The following PDE12 variants were observed in gnomAD, a reference collection of about 807,000 sequenced individuals.
PDE12 encodes the protein 2',5'-phosphodiesterase 12.
PDE12 carries 26 observed loss-of-function variants against 45.4 expected under a neutral mutation model. The ratio of observed to expected loss-of-function variants is 0.57; its 90% CI spans 0.42 to 0.79. PDE12 has a LOEUF of 0.79. Ranked by LOEUF, PDE12 falls within the 30% of genes least tolerant of loss-of-function variation. The pLI, the probability that PDE12 is intolerant of heterozygous loss-of-function variation, is 0.00. For synonymous variants in PDE12, 283 were observed against 323.9 expected, an observed-to-expected ratio of 0.87 and a Z score of 1.36; for missense variants, 668 against 790.0, an observed-to-expected ratio of 0.85 and a Z score of 1.85.
chr3:57,617,754 C>T, the PDE12 span, among the ~76,000 whole-genome samples: 9 of 151,718 alleles, frequency 5.9e-5, no homozygotes, highest in African/African-American at 2.2e-4. Context: ...GTGGTCCCAG[C>T]TACCAGGAAG....
chr3:57,610,261 A>G, the PDE12 span, among the ~76,000 whole-genome samples: 1 of 152,168 alleles, frequency 6.6e-6, no homozygotes, highest in South Asian at 2.1e-4. Context: ...ATTTATGACA[A>G]ACCCACAGCC....
At chr3:57,623,169 G>T in the PDE12 span, among the ~76,000 whole-genome samples, 1 of 152,108 alleles carries the variant, frequency 6.6e-6, no homozygotes, top group Non-Finnish European at 1.5e-5. Flanking sequence ...CAGCACTTTG[G>T]GAGGTGGAGG....
chr3:57,642,597 G>A, the PDE12 span, among the ~76,000 whole-genome samples: 1 of 152,106 alleles, frequency 6.6e-6, no homozygotes, highest in Admixed American at 6.6e-5. Context: ...ATTGTTGCCC[G>A]ATCATTAGAG....
chr3:57,613,072 C>G, the PDE12 span, among the ~76,000 whole-genome samples: 2 of 151,888 alleles, frequency 1.3e-5, no homozygotes, highest in African/African-American at 4.8e-5. Flanking sequence ...CCTCCACCTC[C>G]CGGGTTCAAG....
chr3:57,585,686 A>G, the PDE12 span, among the ~76,000 whole-genome samples: 1 of 145,172 alleles, frequency 6.9e-6, no homozygotes, highest in Non-Finnish European at 1.5e-5. Context: ...TTTTTGAGAC[A>G]GAGTATCACT....
the PDE12 span, among the ~76,000 whole-genome samples, chr3:57,582,063 C>A: frequency 6.6e-6 from 1 of 152,098 alleles, no homozygotes; most frequent in African/African-American, 2.4e-5. Context: ...GGGTACAATG[C>A]AAATATTCCA....
At chr3:57,644,312 A>G in the PDE12 span, among the ~76,000 whole-genome samples, 2 of 151,900 alleles carry the variant, frequency 1.3e-5, no homozygotes, top group South Asian at 4.2e-4. Flanking sequence ...ATTTACAAAA[A>G]AATTTTTTTT....
At chr3:57,581,766 T>A in the PDE12 span, among the ~76,000 whole-genome samples, 2 of 152,168 alleles carry the variant, frequency 1.3e-5, no homozygotes, top group Admixed American at 1.3e-4. Flanking sequence ...CGCCATAGCC[T>A]GGGTGACAGG....
chr3:57,635,770 CT>C, the PDE12 span, among the ~76,000 whole-genome samples: 1 of 152,088 alleles, frequency 6.6e-6, no homozygotes, highest in Non-Finnish European at 1.5e-5. Flanking sequence ...AAACTTTTTA[CT>C]TTGAAGTACA....
chr3:57,591,264 G>T, the PDE12 span, among the ~76,000 whole-genome samples: 7 of 152,038 alleles, frequency 4.6e-5, no homozygotes, highest in East Asian at 1.3e-3. Context: ...GTTCATGAAT[G>T]TTGAAGAGCT....
the PDE12 span, among the ~76,000 whole-genome samples, chr3:57,579,295 A>G: frequency 2.0e-5 from 3 of 147,136 alleles, no homozygotes; most frequent in African/African-American, 7.4e-5. Context: ...ACATCCACTA[A>G]GGGCAAAGGA....
the PDE12 span, among the ~76,000 whole-genome samples, chr3:57,595,950 T>A: frequency 3.3e-5 from 5 of 149,696 alleles, no homozygotes; most frequent in Admixed American, 3.3e-4. Context: ...AAACTCCGTC[T>A]GCAAAAAAAA....
chr3:57,568,293 A>G (rs933344411), downstream of PDE12, among the ~76,000 whole-genome samples: 1 of 151,800 alleles, frequency 6.6e-6, no homozygotes. Context: ...GCGAAACCCC[A>G]TCTCTACAAA....
At chr3:57,590,435 G>C in the PDE12 span, among the ~76,000 whole-genome samples, 6 of 152,096 alleles carry the variant, frequency 3.9e-5, no homozygotes, top group African/African-American at 1.4e-4. Flanking sequence ...GTAGTGAGCC[G>C]AGATTGCGCC....
the PDE12 span, among the ~76,000 whole-genome samples, chr3:57,573,187 G>GC: frequency 7.0e-6 from 1 of 143,368 alleles, no homozygotes; most frequent in Non-Finnish European, 1.5e-5. Context: ...GGGTGACAGA[G>GC]CAAGACTCCA....
chr3:57,560,227 C>T lies in PDE12; in HGVS notation c.*223C>T, dbSNP rs1046076960. 1.7e-5 allele frequency: 21 copies of T among 1,248,848 alleles called. No homozygotes were observed. The highest frequency in any genetic ancestry group is 2.1e-5 in the Non-Finnish European group (21 of 996,816). 77.4% of individuals were successfully genotyped at this position (1,248,848 alleles called of 1,614,324 possible). On this transcript the variant is annotated 3_prime_UTR_variant, in exon 3 of 3. Transcript: ENST00000311180. ...AATTGGAGGAGAAACAAATATATTT[C>T]TTACTAGCAAAATAGAAAATTGAAT...
At chr3:57,589,515 C>T in the PDE12 span, among the ~76,000 whole-genome samples, 10 of 151,244 alleles carry the variant, frequency 6.6e-5, no homozygotes, top group South Asian at 4.2e-4. Context: ...GTCAGCAGTT[C>T]GCGACCAGCC....
chr3:57,643,424 C>T, the PDE12 span, among the ~76,000 whole-genome samples: 1 of 152,160 alleles, frequency 6.6e-6, no homozygotes, highest in Admixed American at 6.6e-5. Context: ...CCCCACAACA[C>T]ACACACACGC....
chr3:57,556,391 C>T lies in PDE12; in HGVS notation c.12C>T (p.Leu4=). The T allele has an allele frequency of 6.3e-6, 10 of 1,581,124 alleles. No homozygotes were observed. Among genetic ancestry groups the T allele is most frequent in the Non-Finnish European group, 8.6e-6 (10 of 1,164,198 alleles). MWR[L]PGARAALRVI... is the part of the protein sequence containing the mutation. The stretch of plus-strand genomic sequence containing the variant: ...AGGCCACCAGGTTCATGTGGAGGCT[C>T]CCAGGCGCCCGCGCCGCGCTTCGGG... The change falls in exon 1 of 3, where the codon CTC becomes CTT. Residue 4 remains leucine (L), a synonymous_variant. Transcript: ENST00000311180. The surrounding 1 kb of genome is among the most constrained non-coding windows in gnomAD (Gnocchi z 5.0).
Sources: gnomAD v4.1 joint callset for allele counts (sites outside exome capture counted in the v4.1 genomes callset) on GRCh38, gnomAD v4.1.1 for gene constraint, Gnocchi (gnomAD v3.1) non-coding constraint, MANE v1.5 for transcripts, NCBI Gene and HGNC (gene_info 2026-07-23, HGNC 2026-07-21) for gene names.